GNAQ: variants seen among roughly 807,000 people sequenced by gnomAD.
GNAQ encodes guanine nucleotide-binding protein G(q) subunit alpha.
GNAQ carries 8 observed loss-of-function variants against 43.9 expected under a neutral mutation model. The ratio of observed to expected loss-of-function variants is 0.18; its 90% CI spans 0.11 to 0.33. The LOEUF is 0.33. Among genes scored for constraint, GNAQ ranks in the 10% least tolerant of loss-of-function variants. The pLI, the probability that GNAQ is intolerant of heterozygous loss-of-function variation, is 1.00. For synonymous variants in GNAQ, 155 were observed against 170.7 expected (o/e 0.91, Z 0.71); for missense variants, 158 against 450.8 (o/e 0.35, Z 5.88).
intron 2 of GNAQ, among the ~76,000 whole-genome samples, chr9:77,865,728 T>C (rs1827937731): frequency 6.6e-6 from 1 of 152,172 alleles, no homozygotes; most frequent in African/African-American, 2.4e-5. Context: ...CAGCTTTCTT[T>C]CACCCGTAAA....
At chr9:78,013,867 T>C (rs1321101045) in intron 1 of GNAQ, among the ~76,000 whole-genome samples, 1 of 152,110 alleles carries the variant, frequency 6.6e-6, no homozygotes, top group African/African-American at 2.4e-5. Context: ...CAGAGTTGAG[T>C]AGTTCTAATA....
chr9:77,739,890 A>G lies in GNAQ; in HGVS notation c.736-11223T>C, dbSNP rs569350413. On this transcript the variant is annotated intron_variant, in intron 5 of 6. Transcript: ENST00000286548. ...AGAGGTAAGAGACTAAACAGAAAGC[A>G]GGCTTAGATGACACAACTGAGCTAA... Among the ~76,000 whole-genome samples the G allele has an allele frequency of 7.9e-5, 12 of 152,336 alleles. No homozygotes were observed. The South Asian group carries it at 2.5e-3, about 32-fold the overall frequency.
At chr9:77,728,435 A>T (rs1825433779) in intron 6 of GNAQ, 79 bp downstream of exon 6, 1 of 937,430 alleles carries the variant, frequency 1.1e-6, no homozygotes, top group African/African-American at 1.6e-5. Context: ...GGTGCACTGT[A>T]GTGCGTTAAC....
intron 2 of GNAQ, among the ~76,000 whole-genome samples, chr9:77,819,655 G>A (rs1377794802): frequency 6.6e-6 from 1 of 152,004 alleles, no homozygotes; most frequent in African/African-American, 2.4e-5. Flanking sequence ...AAAAGTGCAA[G>A]CCAGCATCAG....
At chr9:77,757,100 T>A (rs1357926877) in intron 5 of GNAQ, among the ~76,000 whole-genome samples, 1 of 152,204 alleles carries the variant, frequency 6.6e-6, no homozygotes, top group Non-Finnish European at 1.5e-5. Flanking sequence ...CCTGAGTTGA[T>A]GAGATTATGG....
At chr9:77,773,910 ATAT>A (rs1826266224) in intron 5 of GNAQ, among the ~76,000 whole-genome samples, 1 of 152,202 alleles carries the variant, frequency 6.6e-6, no homozygotes, top group African/African-American at 2.4e-5. Flanking sequence ...AACCAAAGTG[ATAT>A]TATAGAATAA....
intron 5 of GNAQ, among the ~76,000 whole-genome samples, chr9:77,742,422 G>A (rs1279491366): frequency 6.6e-6 from 1 of 152,126 alleles, no homozygotes; most frequent in Non-Finnish European, 1.5e-5. Flanking sequence ...AAGTGTTAAG[G>A]TTGAAGGTTT....
At chr9:77,828,059 C>CAGAAAAAAAA (rs1827231745) in intron 2 of GNAQ, among the ~76,000 whole-genome samples, 1 of 19,224 alleles carries the variant, frequency 5.2e-5, no homozygotes, top group Non-Finnish European at 9.6e-5. Context: ...GACTCCTCCT[C>CAGAAAAAAAA]AAAAAAAAAA....
intron 5 of GNAQ, among the ~76,000 whole-genome samples, chr9:77,745,797 A>G (rs1188695037): frequency 6.6e-6 from 1 of 152,086 alleles, no homozygotes; most frequent in East Asian, 1.9e-4. Context: ...CTCTTCAGCT[A>G]AAAGACGTTA....
At chr9:77,976,044 T>C (rs1321304959) in intron 1 of GNAQ, among the ~76,000 whole-genome samples, 1 of 152,210 alleles carries the variant, frequency 6.6e-6, no homozygotes, top group Non-Finnish European at 1.5e-5. Context: ...TTCTATGTTA[T>C]GCCAGTTGCT....
At chr9:77,911,627 G>A (rs1331899049) in intron 2 of GNAQ, among the ~76,000 whole-genome samples, 4 of 152,142 alleles carry the variant, frequency 2.6e-5, no homozygotes, top group African/African-American at 9.7e-5. Context: ...ACCCAGGTAA[G>A]CCTTTTCAAT....
At chr9:78,004,644 A>C (rs1823683641) in intron 1 of GNAQ, among the ~76,000 whole-genome samples, 1 of 152,086 alleles carries the variant, frequency 6.6e-6, no homozygotes, top group Admixed American at 6.5e-5. Flanking sequence ...CCACTTGCAT[A>C]CCAATACCTC....
At chr9:77,722,524 G>A (rs893850554) in intron 6 of GNAQ, among the ~76,000 whole-genome samples, 1 of 151,896 alleles carries the variant, frequency 6.6e-6, no homozygotes, top group Non-Finnish European at 1.5e-5. Context: ...GACATATCTA[G>A]CAAGATAAAC....
intron 2 of GNAQ, among the ~76,000 whole-genome samples, chr9:77,893,605 T>C (rs1259513889): frequency 6.6e-6 from 1 of 152,198 alleles, no homozygotes; most frequent in Non-Finnish European, 1.5e-5. Context: ...TGCTTTCACT[T>C]TACTCTATGG....
intron 5 of GNAQ, among the ~76,000 whole-genome samples, chr9:77,756,390 C>T (rs951836883): frequency 6.6e-6 from 1 of 152,244 alleles, no homozygotes; most frequent in African/African-American, 2.4e-5. Flanking sequence ...GCCCCTATGG[C>T]ACAGACTATT....
At chr9:77,945,703 T>C (rs1357993916) in intron 1 of GNAQ, among the ~76,000 whole-genome samples, 4 of 152,128 alleles carry the variant, frequency 2.6e-5, no homozygotes, top group Non-Finnish European at 5.9e-5. Flanking sequence ...AAATCATAAA[T>C]GGGCAAAAGG....
At chr9:77,797,453 A>G in intron 4 of GNAQ, 67 bp downstream of exon 4, 1 of 1,189,444 alleles carries the variant, frequency 8.4e-7, no homozygotes, top group Non-Finnish European at 1.3e-6. Context: ...TCCAGTATTT[A>G]TAGAGTTTAC....
chr9:77,823,424 A>T (rs1827145932), intron 2 of GNAQ, among the ~76,000 whole-genome samples: 1 of 152,216 alleles, frequency 6.6e-6, no homozygotes, highest in African/African-American at 2.4e-5. Context: ...CTGAGAGTAT[A>T]ATAATATAGT....
chr9:77,802,104 T>G (rs1356727776), intron 3 of GNAQ, among the ~76,000 whole-genome samples: 1 of 151,954 alleles, frequency 6.6e-6, no homozygotes, highest in East Asian at 1.9e-4. Flanking sequence ...CAGGTAGAGG[T>G]TGCAGTGAGC....
Sources: gnomAD v4.1 joint callset for allele counts (sites outside exome capture counted in the v4.1 genomes callset) on GRCh38, gnomAD v4.1.1 for gene constraint, MANE v1.5 for transcripts, NCBI Gene and HGNC (gene_info 2026-07-23, HGNC 2026-07-21) for gene names.